The following PTPRS variants were observed in gnomAD, a reference collection of about 807,000 sequenced individuals.
PTPRS encodes protein tyrosine phosphatase receptor type S.
Under a neutral mutation model 215.3 loss-of-function variants are expected in PTPRS, and 63 were observed. The observed-to-expected ratio is 0.29, with a 90% confidence interval of 0.24 to 0.36. The LOEUF (loss-of-function observed/expected upper bound fraction) is 0.36. PTPRS is among the 10% of genes least tolerant of loss of function. The pLI, the probability that PTPRS is intolerant of heterozygous loss-of-function variation, is 1.00. For missense variants in PTPRS, 2,258 were observed against 2,825.8 expected (o/e 0.80, Z 4.56); for synonymous variants, 1,404 against 1,191.4 (o/e 1.18, Z -3.68).
chr19:5,241,215 A>C (rs965616827), intron 11 of PTPRS, among the ~76,000 whole-genome samples: 31 of 151,770 alleles, frequency 2.0e-4, no homozygotes, highest in African/African-American at 7.5e-4. Context: ...AAATCACCCC[A>C]GTGCCCTCGC....
chr19:5,211,366 T>G (rs1224265284), intron 33 of PTPRS, among the ~76,000 whole-genome samples: 2 of 152,154 alleles, frequency 1.3e-5, no homozygotes, highest in Non-Finnish European at 2.9e-5. Flanking sequence ...GAACCACTGA[T>G]AGAACAGATG....
chr19:5,247,969 T>C (rs996400480), intron 9 of PTPRS, among the ~76,000 whole-genome samples: 1 of 135,004 alleles, frequency 7.4e-6, no homozygotes, highest in Non-Finnish European at 1.6e-5. Context: ...AGGGGAGGAG[T>C]CGGGGCATGG....
rs1249674164 is a variant in PTPRS at position 5,294,133 on chromosome 19, G to A, written c.-94-7899C>T. 2 of 152,270 alleles carry A rather than the reference G, an allele frequency of 1.3e-5. No homozygotes were observed. The highest frequency in any genetic ancestry group is 4.8e-5 in the African/African-American group (2 of 41,454). 9.4% of individuals were successfully genotyped at this position (152,270 alleles called of 1,614,324 possible). On this transcript the variant is annotated intron_variant, in intron 1 of 37. Transcript: ENST00000262963. This position sits in a 1 kb window ranked among gnomAD's most constrained non-coding sequence, Gnocchi z 5.1. Reference sequence around the variant, plus strand: ...GTCTGCTCCCATCCCTGGAAAAAACGCCTCTCTTCCCAGCATTCGCGCTGA... The same window carrying A: ...GTCTGCTCCCATCCCTGGAAAAAACACCTCTCTTCCCAGCATTCGCGCTGA...
At chr19:5,272,390 G>C (rs2046984439) in intron 4 of PTPRS, among the ~76,000 whole-genome samples, 2 of 151,946 alleles carry the variant, frequency 1.3e-5, no homozygotes, top group Non-Finnish European at 2.9e-5. Context: ...TTGAGGTCAG[G>C]AGTTTGAGAC....
chr19:5,228,282 T>C (rs1430961801), intron 16 of PTPRS, among the ~76,000 whole-genome samples: 5 of 125,388 alleles, frequency 4.0e-5, no homozygotes, highest in East Asian at 2.6e-4. Flanking sequence ...GAGGTGGAGG[T>C]TGCAGTGAGC....
chr19:5,212,197 C>T lies in PTPRS; in HGVS notation c.4823G>A (p.Arg1608Gln), dbSNP rs148739536. The change falls in exon 32 of 38, where the codon CGG becomes CAG. Residue 1608 changes from arginine (R) to glutamine (Q), a missense_variant. Around this residue, in one of 6 missense-constraint regions of PTPRS, gnomAD observed 927 missense variants for 1,125.9 expected, o/e 0.82. Transcript: ENST00000262963. Reference sequence around the variant, plus strand: ...ATCGACTGTCTTCTCTGGCTTGATCCGCTCAAGCATGGCGTCGATGACGAT... The same window carrying T: ...ATCGACTGTCTTCTCTGGCTTGATCTGCTCAAGCATGGCGTCGATGACGAT... ...CFIVIDAMLE[R>Q]IKPEKTVDVY... 2.0e-5 allele frequency: 33 copies of T among 1,613,642 alleles called. No individual in the cohort carries two copies. Among genetic ancestry groups the T allele is most frequent in the Admixed American group, 3.3e-5 (2 of 60,010 alleles).
intron 17 of PTPRS, among the ~76,000 whole-genome samples, chr19:5,224,463 G>C (rs1007643167): frequency 6.6e-6 from 1 of 152,174 alleles, no homozygotes; most frequent in African/African-American, 2.4e-5. Flanking sequence ...GGGACATAAA[G>C]AAATCCAAAA....
At chr19:5,317,009 A>G (rs1568610154) in intron 1 of PTPRS, among the ~76,000 whole-genome samples, 3 of 152,152 alleles carry the variant, frequency 2.0e-5, no homozygotes, top group Admixed American at 2.0e-4. Context: ...GATACCAACT[A>G]TAGCTGGGGC....
In PTPRS at chr19:5,216,749, G is replaced by A; in HGVS notation, c.4067C>T (p.Pro1356Leu). The A allele has an allele frequency of 6.3e-7, 1 of 1,577,406 alleles. No homozygotes were observed. Among genetic ancestry groups the A allele is most frequent in the South Asian group, 1.2e-5 (1 of 85,758 alleles). ...FQTPDSGLRS[P>L]LREPGFHFES... is the part of the protein sequence containing the mutation. ...AAAGTGAAACCCCGGCTCCCTGAGG[G>A]GGCTCCTGAGGCCTGAATCTGCAAA... Residue 1356 changes from proline (P) to leucine (L), a missense_variant, in exon 26 of 38, where the codon CCC becomes CTC. Pro to Leu is a moderately conservative substitution (Grantham distance 98). Transcript: ENST00000262963.
chr19:5,256,506 C>T (rs1463615876), intron 8 of PTPRS, among the ~76,000 whole-genome samples: 1 of 152,068 alleles, frequency 6.6e-6, no homozygotes, highest in East Asian at 1.9e-4. Flanking sequence ...ACAGAAGCCC[C>T]CCTCCCTTCT....
intron 25 of PTPRS, among the ~76,000 whole-genome samples, chr19:5,217,843 T>C (rs2041623013): frequency 1.3e-5 from 2 of 152,172 alleles, no homozygotes; most frequent in South Asian, 2.1e-4. Flanking sequence ...TTGTGAATCA[T>C]ACATGAAAAT....
chr19:5,263,070 G>A (rs1430965216), intron 5 of PTPRS, 98 bp from the exon 6 acceptor site: 5 of 539,752 alleles, frequency 9.3e-6, no homozygotes, highest in Admixed American at 5.4e-5. Flanking sequence ...GAGGGCGGGG[G>A]AGGGGAGGGG....
intron 13 of PTPRS, among the ~76,000 whole-genome samples, chr19:5,235,004 G>C (rs2238636): frequency 2.0e-5 from 3 of 149,918 alleles, no homozygotes; most frequent in Non-Finnish European, 3.0e-5. Flanking sequence ...GCAGTGGCGC[G>C]ATCTCGGCTC....
At chr19:5,245,724 G>T in intron 10 of PTPRS, 52 bp downstream of exon 10, 6 of 1,507,960 alleles carry the variant, frequency 4.0e-6, no homozygotes, top group Non-Finnish European at 5.3e-6. Flanking sequence ...CTGAAGTCGG[G>T]GATCGACTCC....
At chr19:5,240,121 G>T in intron 12 of PTPRS, 78 bp downstream of exon 12, 16 of 1,392,370 alleles carry the variant, frequency 1.1e-5, no homozygotes, top group South Asian at 4.6e-5. Context: ...CAAAGAGGGG[G>T]AAGAGACAAG....
chr19:5,231,788 G>A (rs1415976427), intron 13 of PTPRS, among the ~76,000 whole-genome samples, 173 bp from the exon 14 acceptor site: 4 of 151,824 alleles, frequency 2.6e-5, no homozygotes, highest in African/African-American at 4.8e-5. Flanking sequence ...TCAACCAAAG[G>A]TGGGATGGGC....
At chr19:5,241,589 T>C (rs1391762515) in intron 11 of PTPRS, among the ~76,000 whole-genome samples, 1 of 151,336 alleles carries the variant, frequency 6.6e-6, no homozygotes, top group Non-Finnish European at 1.5e-5. Context: ...TGGCAAAGGG[T>C]GCCTATTTTA....
chr19:5,301,736 C>G (rs1413760569), intron 1 of PTPRS, among the ~76,000 whole-genome samples: 1 of 152,030 alleles, frequency 6.6e-6, no homozygotes, highest in Non-Finnish European at 1.5e-5. Flanking sequence ...ACAGTCTCCC[C>G]CCAATCCTCC....
In PTPRS at chr19:5,272,595, C is replaced by CAAAAAAAAAAAAAAAA. The variant is rs10527451; in HGVS notation, c.379+831_379+846dup. Reference sequence around the variant, plus strand: ...CCAGCGCAACAAAGCAAGACTGTCTCAAAAAAAAAAAAAAAAAAAAAAAAA... The same window carrying CAAAAAAAAAAAAAAAA: ...CCAGCGCAACAAAGCAAGACTGTCTCAAAAAAAAAAAAAAAAAAAAAAAAAAAAAAAAAAAAAAAAA... On this transcript the variant is annotated intron_variant, in intron 4 of 37. Coordinates refer to ENST00000262963, the MANE Select transcript of PTPRS (RefSeq NM_002850.4). 7.1e-4 allele frequency among the ~76,000 whole-genome samples: 52 copies of CAAAAAAAAAAAAAAAA among 73,440 alleles called. 1 individual carries two copies. The highest frequency in any genetic ancestry group is 1.0e-3 in the Non-Finnish European group (39 of 38,000). The allele number at this position is 73,440 out of a possible 152,430, so 48.2% of individuals were successfully genotyped here. A position where few individuals can be genotyped will look rare whatever the true frequency, so the allele number is the denominator to read the frequency against.
Sources: allele counts gnomAD v4.1 joint callset (sites outside exome capture counted in the v4.1 genomes callset), GRCh38; gene constraint gnomAD v4.1.1; regional missense constraint gnomAD v4.1.1; non-coding constraint Gnocchi (gnomAD v3.1); transcripts MANE v1.5; gene names NCBI Gene and HGNC (gene_info 2026-07-23, HGNC 2026-07-21).